SHTN1: variants seen among roughly 807,000 people sequenced by gnomAD.
SHTN1 encodes the protein shootin-1.
A neutral mutation model predicts 83.1 loss-of-function variants in SHTN1; 42 were observed. The ratio of observed to expected loss-of-function variants is 0.51; its 90% CI spans 0.39 to 0.65. SHTN1 has a LOEUF of 0.65. Among genes scored for constraint, SHTN1 ranks in the 30% least tolerant of loss-of-function variants. The pLI is 0.00. For missense variants in SHTN1, 622 were observed against 737.8 expected, an observed-to-expected ratio of 0.84 and a Z score of 1.82; for synonymous variants, 224 against 247.7, an observed-to-expected ratio of 0.90 and a Z score of 0.90.
At chr10:116,959,848 T>C (rs561839688) in intron 4 of SHTN1, among the ~76,000 whole-genome samples, 2 of 152,342 alleles carry the variant, frequency 1.3e-5, no homozygotes, top group South Asian at 4.1e-4. Flanking sequence ...AAAGTCCCCT[T>C]TAACACTACT....
At chr10:116,927,565 C>T (rs1295238514) in intron 11 of SHTN1, among the ~76,000 whole-genome samples, 1 of 152,054 alleles carries the variant, frequency 6.6e-6, no homozygotes, top group Non-Finnish European at 1.5e-5. Flanking sequence ...ATGGAAAGAC[C>T]CACCCTCATG....
In SHTN1 at chr10:116,886,566, C is replaced by T. The variant is rs890364912; in HGVS notation, c.1674G>A (p.Gln558=). ...EGCTSSKVTF[Q]PPSSIGCRKK... is the part of the protein sequence containing the mutation. ...TCCTGCATCCAATGCTACTGGGAGG[C>T]CTATGAGATGAAGAGTTAGACAAAA... Residue 558 remains glutamine (Q), a splice_region_variant and synonymous_variant, in exon 17 of 17, where the codon CAG becomes CAA. Coordinates refer to ENST00000355371, the MANE Select transcript of SHTN1 (RefSeq NM_001127211.3). 1.2e-6 allele frequency: 2 copies of T among 1,613,740 alleles called. No individual in the cohort carries two copies. Among genetic ancestry groups the T allele is most frequent in the Non-Finnish European group, 1.7e-6 (2 of 1,179,918 alleles).
chr10:116,996,826 T>C (rs931600920), intron 1 of SHTN1, among the ~76,000 whole-genome samples: 2 of 152,212 alleles, frequency 1.3e-5, no homozygotes, highest in Non-Finnish European at 2.9e-5. Flanking sequence ...ATCTGTTCTT[T>C]TCTGCTGGTT....
intron 1 of SHTN1, among the ~76,000 whole-genome samples, chr10:117,056,110 G>T (rs1033062793): frequency 6.6e-6 from 1 of 152,094 alleles, no homozygotes; most frequent in African/African-American, 2.4e-5. Flanking sequence ...TCCAGGCCCA[G>T]ATAGCTTCAC....
intron 6 of SHTN1, among the ~76,000 whole-genome samples, chr10:116,950,343 A>T (rs969948849): frequency 3.3e-5 from 5 of 151,928 alleles, no homozygotes; most frequent in African/African-American, 7.3e-5. Context: ...ATTTTTAAAA[A>T]TTTTTTTGAG....
intron 2 of SHTN1, among the ~76,000 whole-genome samples, chr10:117,023,274 C>T (rs2133565959): frequency 6.6e-6 from 1 of 152,304 alleles, no homozygotes; most frequent in South Asian, 2.1e-4. Flanking sequence ...AGAAATCTGT[C>T]ACGTGCAAAT....
chr10:117,064,629 C>A (rs535362930), intron 1 of SHTN1, among the ~76,000 whole-genome samples: 1 of 146,336 alleles, frequency 6.8e-6, no homozygotes, highest in South Asian at 2.2e-4. Flanking sequence ...CATTCCAGTC[C>A]GGGCAACAGT....
At chr10:116,898,804 G>A (rs1489658833) in intron 16 of SHTN1, among the ~76,000 whole-genome samples, 1 of 151,996 alleles carries the variant, frequency 6.6e-6, no homozygotes, top group Non-Finnish European at 1.5e-5. Context: ...TGACAGGAAT[G>A]TTAATTTTAA....
chr10:116,943,969 G>A (rs1193261452), intron 8 of SHTN1, among the ~76,000 whole-genome samples: 1 of 152,104 alleles, frequency 6.6e-6, no homozygotes, highest in African/African-American at 2.4e-5. Flanking sequence ...CATGTCAACA[G>A]GTAAGCCGGA....
chr10:117,117,983 A>G (rs1221775534), intron 1 of SHTN1, among the ~76,000 whole-genome samples: 1 of 152,228 alleles, frequency 6.6e-6, no homozygotes, highest in Non-Finnish European at 1.5e-5. Flanking sequence ...TTGGCCTAGC[A>G]AAGATTTTTG....
intron 1 of SHTN1, among the ~76,000 whole-genome samples, chr10:117,053,774 GAA>G (rs892179927): frequency 6.6e-6 from 1 of 152,112 alleles, no homozygotes; most frequent in African/African-American, 2.4e-5. Context: ...CACAAAAAGT[GAA>G]AGTGTCAAAC....
chr10:117,038,989 G>C (rs1472129266), intron 2 of SHTN1, among the ~76,000 whole-genome samples: 2 of 152,034 alleles, frequency 1.3e-5, no homozygotes, highest in African/African-American at 4.8e-5. Context: ...CGTCCTCTTT[G>C]GTATTTACCC....
At chr10:116,945,141 TG>T in intron 7 of SHTN1, 123 bp from the exon 8 acceptor site, 1 of 665,224 alleles carries the variant, frequency 1.5e-6, no homozygotes, top group East Asian at 2.6e-5. Flanking sequence ...CATGCATTCC[TG>T]GTTGGCATAC....
intron 1 of SHTN1, among the ~76,000 whole-genome samples, chr10:116,981,232 T>A (rs1851008303): frequency 6.6e-6 from 1 of 152,078 alleles, no homozygotes; most frequent in Non-Finnish European, 1.5e-5. Flanking sequence ...GGCAGGAGAA[T>A]CGCGTGAACC....
Position 116,968,729 on chromosome 10 carries a change from A to C in SHTN1, c.112-17T>G. On this transcript the variant is annotated splice_polypyrimidine_tract_variant and intron_variant, in intron 2 of 16. Transcript: ENST00000355371. ...TTTGTCACACTGAAATGAGAGAAGT[A>C]AACAAATGTTAAACTTCAATCATAA... is the stretch of plus-strand genomic sequence containing the variant. 1 of 1,598,386 alleles carries C rather than the reference A, an allele frequency of 6.3e-7. No homozygotes were observed. Among genetic ancestry groups the C allele is most frequent in the Non-Finnish European group, 8.6e-7 (1 of 1,167,674 alleles).
intron 8 of SHTN1, 137 bp from the exon 9 acceptor site, chr10:116,940,749 A>G: frequency 1.7e-6 from 1 of 587,830 alleles, no homozygotes; most frequent in Middle Eastern, 4.5e-4. Context: ...AAGTTTTAGA[A>G]GTAGTGATTG....
chr10:116,972,665 TTC>T (rs1850659296), intron 2 of SHTN1, among the ~76,000 whole-genome samples: 1 of 152,214 alleles, frequency 6.6e-6, no homozygotes, highest in African/African-American at 2.4e-5. Flanking sequence ...TAAAAACTGC[TTC>T]TTTTTGTGTG....
At chr10:116,937,299 C>T (rs1849208552) in intron 9 of SHTN1, among the ~76,000 whole-genome samples, 2 of 152,270 alleles carry the variant, frequency 1.3e-5, no homozygotes, top group Admixed American at 6.5e-5. Context: ...GTAGCTGGTA[C>T]CAGTCTTTCC....
intron 1 of SHTN1, among the ~76,000 whole-genome samples, chr10:117,099,879 C>T (rs1291693330): frequency 6.6e-6 from 1 of 152,068 alleles, no homozygotes; most frequent in African/African-American, 2.4e-5. Context: ...ATCAGTTTGT[C>T]ATAAAGAGTA....
Sources: gnomAD v4.1 joint callset for allele counts (sites outside exome capture counted in the v4.1 genomes callset) on GRCh38, gnomAD v4.1.1 for gene constraint, MANE v1.5 for transcripts, NCBI Gene and HGNC (gene_info 2026-07-23, HGNC 2026-07-21) for gene names.